Variants in CDH23 observed in about 807,000 individuals in gnomAD.
CDH23 encodes the protein cadherin related 23.
CDH23 carries 189 observed loss-of-function variants against 317.1 expected under a neutral mutation model. The observed-to-expected ratio is 0.60, with a 90% CI of 0.53 to 0.67. CDH23 has a LOEUF of 0.67. Among genes scored for constraint, CDH23 ranks in the 30% least tolerant of loss-of-function variants. The pLI, the probability that CDH23 is intolerant of heterozygous loss-of-function variation, is 0.00. For missense variants in CDH23, 4,401 were observed against 4,592.4 expected, an observed-to-expected ratio of 0.96 and a Z score of 1.20; for synonymous variants, 1,839 against 1,876.8, an observed-to-expected ratio of 0.98 and a Z score of 0.52.
intron 41 of CDH23, among the ~76,000 whole-genome samples, chr10:71,781,016 G>C (rs981532308): frequency 6.6e-5 from 10 of 152,206 alleles, no homozygotes; most frequent in Admixed American, 2.6e-4. Flanking sequence ...GGCTGCAGCA[G>C]GAGGTTGTGG....
chr10:71,811,804 A>G (rs2133003393), intron 65 of CDH23, 51 bp downstream of exon 65: 1 of 1,523,156 alleles, frequency 6.6e-7, no homozygotes, highest in Non-Finnish European at 8.8e-7. Flanking sequence ...TGGGCTGGGG[A>G]CCTGGAGTGC....
intron 3 of CDH23, among the ~76,000 whole-genome samples, chr10:71,464,481 CT>C (rs1277435989): frequency 6.6e-6 from 1 of 152,208 alleles, no homozygotes; most frequent in African/African-American, 2.4e-5. Flanking sequence ...CCCACTGGTC[CT>C]GCTGCACTTC....
chr10:71,495,119 A>C (rs930069616), intron 3 of CDH23, among the ~76,000 whole-genome samples: 2 of 152,198 alleles, frequency 1.3e-5, no homozygotes, highest in African/African-American at 2.4e-5. Flanking sequence ...TAAAAACACA[A>C]ACAGAGGCAA....
At chr10:71,501,829 G>A (rs756847321) in intron 3 of CDH23, among the ~76,000 whole-genome samples, 7 of 152,306 alleles carry the variant, frequency 4.6e-5, no homozygotes, top group African/African-American at 9.6e-5. Context: ...GCAGGGACCC[G>A]GCCAGCCAGG....
At chr10:71,795,832 C>G in intron 48 of CDH23, 1 of 987,560 alleles carries the variant, frequency 1.0e-6, no homozygotes, top group Non-Finnish European at 1.2e-6. Context: ...GGCTGGCAGG[C>G]CCACAGGTTT....
At chr10:71,810,111 G>A in intron 61 of CDH23, 35 bp downstream of exon 61, 1 of 1,605,700 alleles carries the variant, frequency 6.2e-7, no homozygotes, top group Non-Finnish European at 8.5e-7. Context: ...CGGGGCAGTG[G>A]AGGGAGAAGG....
At chr10:71,812,914 C>T (rs912113754) in intron 68 of CDH23, 24 bp downstream of exon 68, 12 of 1,610,928 alleles carry the variant, frequency 7.4e-6, no homozygotes, top group South Asian at 3.3e-5. Context: ...GCAGGCTCCG[C>T]GCCCAGTCCC....
At position 71,777,686 on chromosome 10, in the gene CDH23, A is replaced by G; in HGVS notation, c.4852A>G (p.Thr1618Ala). The G allele has an allele frequency of 6.2e-7, 1 of 1,610,324 alleles. No homozygotes were observed. ...GACCCACTCTTTTCCACAGGCCACC[A>G]CGCACGTGTACGTGACCATTGTGGA... ...DEGTPTLSAT[T>A]HVYVTIVDEN... The change falls in exon 39 of 70, where the codon ACG becomes GCG. Residue 1618 changes from threonine to alanine, a missense_variant. Coordinates refer to ENST00000224721, the MANE Select transcript of CDH23 (RefSeq NM_022124.6).
intron 24 of CDH23, among the ~76,000 whole-genome samples, chr10:71,704,208 C>G (rs1444508931): frequency 6.6e-6 from 1 of 152,198 alleles, no homozygotes; most frequent in African/African-American, 2.4e-5. Context: ...AGAGTCTTGG[C>G]TTAATCCAAA....
chr10:71,693,277 CTT>C (rs58326810), intron 20 of CDH23, among the ~76,000 whole-genome samples: 17 of 148,286 alleles, frequency 1.1e-4, no homozygotes, highest in East Asian at 3.9e-4. Context: ...TGGCAAATGC[CTT>C]TTTTTTTTTT....
intron 3 of CDH23, among the ~76,000 whole-genome samples, chr10:71,478,775 G>A (rs1158167101): frequency 6.6e-6 from 1 of 152,164 alleles, no homozygotes; most frequent in Non-Finnish European, 1.5e-5. Context: ...TGGCTGTGGA[G>A]GAATCTAAGA....
At chr10:71,684,956 A>G (rs1323016474) in intron 18 of CDH23, among the ~76,000 whole-genome samples, 1 of 152,206 alleles carries the variant, frequency 6.6e-6, no homozygotes, top group African/African-American at 2.4e-5. Context: ...GTCCCACTTT[A>G]CAGATGGGGA....
At chr10:71,405,018 A>G (rs1466944690) in intron 1 of CDH23, among the ~76,000 whole-genome samples, 2 of 152,174 alleles carry the variant, frequency 1.3e-5, no homozygotes, top group Non-Finnish European at 2.9e-5. Flanking sequence ...GCAGAAAGGG[A>G]AAACAAAAAG....
At chr10:71,633,872 T>C (rs1044524522) in intron 11 of CDH23, among the ~76,000 whole-genome samples, 3 of 152,018 alleles carry the variant, frequency 2.0e-5, no homozygotes, top group African/African-American at 4.8e-5. Context: ...CACCCAACCA[T>C]GCAGGAAAGG....
chr10:71,419,257 G>C (rs1482390238), intron 1 of CDH23, among the ~76,000 whole-genome samples: 3 of 152,138 alleles, frequency 2.0e-5, no homozygotes, highest in African/African-American at 7.2e-5. Flanking sequence ...AGCTGCTTGT[G>C]CTACAGGAAT....
At chr10:71,708,491 C>T (rs1488122222) in intron 26 of CDH23, among the ~76,000 whole-genome samples, 1 of 152,144 alleles carries the variant, frequency 6.6e-6, no homozygotes, top group African/African-American at 2.4e-5. Flanking sequence ...GAGAGGAGAC[C>T]CTCACACTTC....
intron 3 of CDH23, among the ~76,000 whole-genome samples, chr10:71,458,988 C>T (rs927268773): frequency 5.9e-5 from 9 of 151,270 alleles, no homozygotes; most frequent in African/African-American, 2.2e-4. Context: ...GGGGTTTCAC[C>T]GTGTTAGCCA....
At position 71,789,059 on chromosome 10, in the gene CDH23, C is replaced by T. The variant is rs1229148418; in HGVS notation, c.5923+17C>T. On this transcript the variant is annotated intron_variant, in intron 45 of 69. Transcript: ENST00000224721. ...CTCCCGCTGGTAGGTGCTGGGCCCACCCGGGAGCTCCTGCTGTTGCCAGGC... is the reference window on the plus strand; with the variant it reads ...CTCCCGCTGGTAGGTGCTGGGCCCATCCGGGAGCTCCTGCTGTTGCCAGGC... The T allele has an allele frequency of 9.7e-6, 12 of 1,240,952 alleles. No homozygotes were observed. The highest frequency in any genetic ancestry group is 1.3e-5 in the Non-Finnish European group (11 of 840,416). The allele number at this position is 1,240,952 out of a possible 1,614,324, so 76.9% of individuals were successfully genotyped here. A position where few individuals can be genotyped will look rare whatever the true frequency, so the allele number is the denominator to read the frequency against.
At chr10:71,747,308 T>C (rs1589393048) in intron 38 of CDH23, among the ~76,000 whole-genome samples, 1 of 152,176 alleles carries the variant, frequency 6.6e-6, no homozygotes, top group Non-Finnish European at 1.5e-5. Context: ...TGGCAGGAGC[T>C]GATATGGAAG....
Sources: gnomAD v4.1 joint callset for allele counts (sites outside exome capture counted in the v4.1 genomes callset) on GRCh38, gnomAD v4.1.1 for gene constraint, MANE v1.5 for transcripts, NCBI Gene and HGNC (gene_info 2026-07-23, HGNC 2026-07-21) for gene names.